TMEM132E: variants seen among roughly 807,000 people sequenced by gnomAD.
TMEM132E encodes transmembrane protein 132E.
In TMEM132E, 49 loss-of-function variants were observed where a neutral mutation model predicts 78.5. The observed-to-expected ratio is 0.62, with a 90% CI of 0.50 to 0.79. The LOEUF (loss-of-function observed/expected upper bound fraction) is 0.79. Ranked by LOEUF, TMEM132E falls within the 30% of genes least tolerant of loss-of-function variation. The probability of loss-of-function intolerance (pLI) is 0.00; values close to 1 mark genes in which losing one functional copy is unlikely to be tolerated. For synonymous variants in TMEM132E, 715 were observed against 670.6 expected (o/e 1.07, Z -1.02); for missense variants, 1,403 against 1,470.9 (o/e 0.95, Z 0.75).
rs568871948 is a variant in TMEM132E at position 34,637,539 on chromosome 17, G to A, written c.2532G>A (p.Pro844=). The change falls in exon 9 of 9, where the codon CCG becomes CCA. Residue 844 remains proline (P), a synonymous_variant. Transcript: ENST00000631683. Reference sequence around the variant, plus strand: ...AGGACGAGGCCCGGGGAGCTGGCCCGCCGGGCTCTGCGCTACCCGCACCGG... The same window carrying A: ...AGGACGAGGCCCGGGGAGCTGGCCCACCGGGCTCTGCGCTACCCGCACCGG... ...GGEDEARGAG[P]PGSALPAPEA... is the part of the protein sequence containing the mutation. The A allele has an allele frequency of 1.7e-4, 272 of 1,596,836 alleles. 4 individuals are homozygous for A. The South Asian group carries it at 2.9e-3, about 17-fold the overall frequency.
Position 34,629,254 on chromosome 17 carries a change from T to C in TMEM132E, c.1338+50T>C, listed in dbSNP as rs201661237. 251 of 1,576,626 alleles carry C rather than the reference T, an allele frequency of 1.6e-4. No homozygotes were observed. In the African/African-American group the frequency reaches 3.2e-3, roughly 20 times the overall value. ...GAAGATGCCTGGGTCTATGCATGTGTGCACATTTGTGTGACAAGAATGTGA... is the reference window on the plus strand; with the variant it reads ...GAAGATGCCTGGGTCTATGCATGTGCGCACATTTGTGTGACAAGAATGTGA... On this transcript the variant is annotated intron_variant, in intron 4 of 8. Transcript: ENST00000631683.
At chr17:34,597,657 G>A (rs191957778) in intron 1 of TMEM132E, among the ~76,000 whole-genome samples, 1 of 152,230 alleles carries the variant, frequency 6.6e-6, no homozygotes, top group East Asian at 1.9e-4. Flanking sequence ...CTCAGCTCCT[G>A]GCCACCATCA....
In TMEM132E at chr17:34,638,317, A is replaced by C; in HGVS notation, c.*85A>C. 7.4e-7 allele frequency: 1 copy of C among 1,343,226 alleles called. No homozygotes were observed. The highest frequency in any genetic ancestry group is 2.6e-5 in the East Asian group (1 of 38,478). 83.2% of individuals were successfully genotyped at this position (1,343,226 alleles called of 1,614,324 possible). On this transcript the variant is annotated 3_prime_UTR_variant, in exon 9 of 9. Transcript: ENST00000631683. ...ACAGCCGGGACCCCGGTTCACACTG[A>C]CTCTGGGCGGCTGAATTGATTTTGT... is the stretch of plus-strand genomic sequence containing the variant.
Position 34,613,211 on chromosome 17 carries a change from A to ACACACACACACACGTGCG in TMEM132E, c.68-12915_68-12914insACACACACACACGTGCGC. 3.5e-5 allele frequency among the ~76,000 whole-genome samples: 4 copies of ACACACACACACACGTGCG among 115,856 alleles called. No individual in the cohort carries two copies. In the Admixed American group the frequency reaches 4.0e-4, roughly 11 times the overall value. 76.0% of individuals were successfully genotyped at this position (115,856 alleles called of 152,430 possible). On this transcript the variant is annotated intron_variant, in intron 1 of 8. Coordinates refer to ENST00000631683, the MANE Select transcript of TMEM132E (RefSeq NM_001304438.2). ...CACACACACACCCACACACACACAC[A>ACACACACACACACGTGCG]CGCGCGCGCGCGCGCGTTCTTACAT...
intron 1 of TMEM132E, 62 bp downstream of exon 1, chr17:34,581,205 G>T (rs569051664): frequency 3.6e-6 from 5 of 1,405,560 alleles, no homozygotes; most frequent in Non-Finnish European, 4.7e-6. Context: ...GGGGGTACGG[G>T]GAAGACTGGG....
At position 34,637,338 on chromosome 17, in the gene TMEM132E, G is replaced by A. The variant is rs775516813; in HGVS notation, c.2331G>A (p.Glu777=). ...RAFPLVVAEA[E]GSGELLRAEL... is the part of the protein sequence containing the mutation. ...TCCCTCTGGTAGTGGCTGAGGCCGA[G>A]GGGTCAGGGGAGCTGCTTCGCGCAG... The change falls in exon 9 of 9, where the codon GAG becomes GAA. Residue 777 remains glutamate (E), a synonymous_variant. Transcript: ENST00000631683. The A allele has an allele frequency of 5.0e-6, 8 of 1,614,068 alleles. No homozygotes were observed. In the South Asian group the frequency reaches 7.7e-5, roughly 16 times the overall value.
intron 1 of TMEM132E, among the ~76,000 whole-genome samples, chr17:34,604,853 G>A (rs557876356): frequency 2.0e-5 from 3 of 152,298 alleles, no homozygotes; most frequent in African/African-American, 4.8e-5. Context: ...TCCTCCTCAC[G>A]ACAGCCCCAT....
intron 1 of TMEM132E, among the ~76,000 whole-genome samples, chr17:34,593,250 A>AAC (rs1555561865): frequency 6.6e-6 from 1 of 151,862 alleles, no homozygotes; most frequent in Non-Finnish European, 1.5e-5. Context: ...CTACATTAAA[A>AAC]AAAAATTATA....
Position 34,637,270 on chromosome 17 carries a change from A to C in TMEM132E, c.2263A>C (p.Ser755Arg). ...SPRDYGLLVS[S>R]LDEHVATVTQ... The stretch of plus-strand genomic sequence containing the variant: ...ACGAGACTATGGACTGCTAGTGAGC[A>C]GCCTGGATGAGCATGTGGCCACTGT... Residue 755 changes from serine to arginine, a missense_variant, in exon 9 of 9, where the codon AGC (serine) becomes CGC (arginine). Ser to Arg is a moderately radical substitution (Grantham distance 110, BLOSUM62 -1). Coordinates refer to ENST00000631683, the MANE Select transcript of TMEM132E (RefSeq NM_001304438.2). The C allele has an allele frequency of 6.2e-7, 1 of 1,614,102 alleles. No homozygotes were observed. The highest frequency in any genetic ancestry group is 8.5e-7 in the Non-Finnish European group (1 of 1,180,036).
intron 1 of TMEM132E, among the ~76,000 whole-genome samples, chr17:34,610,268 T>A (rs1906544634): frequency 6.6e-6 from 1 of 152,228 alleles, no homozygotes; most frequent in African/African-American, 2.4e-5. Context: ...TCTGTCTCCC[T>A]GGCAGTTCCC....
In TMEM132E at chr17:34,626,522, G is replaced by A. The variant is rs746770614; in HGVS notation, c.463G>A (p.Asp155Asn). The A allele has an allele frequency of 7.5e-6, 12 of 1,605,122 alleles. No individual in the cohort carries two copies. Among genetic ancestry groups the A allele is most frequent in the Admixed American group, 1.7e-5 (1 of 59,836 alleles). ...CTACGTAGCCGGCCGGGACTGGGACGACTTCGGCGTCACCGAGCGGCTGCC... is the reference window on the plus strand; with the variant it reads ...CTACGTAGCCGGCCGGGACTGGGACAACTTCGGCGTCACCGAGCGGCTGCC... ...LFYVAGRDWD[D>N]FGVTERLPCV... The change falls in exon 2 of 9, where the codon GAC (aspartate) becomes AAC (asparagine). Residue 155 changes from aspartate (D) to asparagine (N), a missense_variant. By Grantham distance (23) the Asp-to-Asn change is conservative (BLOSUM62 1). Coordinates refer to ENST00000631683, the MANE Select transcript of TMEM132E (RefSeq NM_001304438.2).
Position 34,637,271 on chromosome 17 carries a change from G to A in TMEM132E, c.2264G>A (p.Ser755Asn). ...SPRDYGLLVS[S>N]LDEHVATVTQ... is the part of the protein sequence containing the mutation. ...CGAGACTATGGACTGCTAGTGAGCA[G>A]CCTGGATGAGCATGTGGCCACTGTG... The change falls in exon 9 of 9, where the codon AGC becomes AAC. Residue 755 changes from serine (S) to asparagine (N), a missense_variant. Coordinates refer to ENST00000631683, the MANE Select transcript of TMEM132E (RefSeq NM_001304438.2). 3 of 1,614,134 alleles carry A rather than the reference G, an allele frequency of 1.9e-6. No homozygotes were observed. Among genetic ancestry groups the A allele is most frequent in the Non-Finnish European group, 2.5e-6 (3 of 1,180,052 alleles).
chr17:34,634,806 C>A lies in TMEM132E; in HGVS notation c.1696C>A (p.Arg566=). The change falls in exon 7 of 9, where the codon CGG becomes AGG. Residue 566 remains arginine (R), a synonymous_variant. Coordinates refer to ENST00000631683, the MANE Select transcript of TMEM132E (RefSeq NM_001304438.2). ...GGCATGTCCCCACCCCAGGTCAGTC[C>A]GGGAAAGCGAGGATGAGGATGAGGA... ...VPILPDRRSV[R]ESEDEDEEEE... is the part of the protein sequence containing the mutation. 1 of 1,612,106 alleles carries A rather than the reference C, an allele frequency of 6.2e-7. No individual in the cohort carries two copies. Among genetic ancestry groups the A allele is most frequent in the Non-Finnish European group, 8.5e-7 (1 of 1,179,030 alleles).
intron 1 of TMEM132E, among the ~76,000 whole-genome samples, chr17:34,588,307 G>A (rs570642652): frequency 7.2e-5 from 11 of 152,162 alleles, no homozygotes; most frequent in African/African-American, 1.2e-4. Context: ...CAGATTTGCC[G>A]TGGTTTTAAT....
chr17:34,628,542 C>G, intron 2 of TMEM132E, 21 bp from the exon 3 acceptor site: 1 of 1,613,332 alleles, frequency 6.2e-7, no homozygotes, highest in East Asian at 2.2e-5. Flanking sequence ...TCTCCCTCTT[C>G]TTCCTCCCAC....
chr17:34,604,278 T>TG (rs1357467693), intron 1 of TMEM132E, among the ~76,000 whole-genome samples: 1 of 152,164 alleles, frequency 6.6e-6, no homozygotes, highest in Non-Finnish European at 1.5e-5. Context: ...TGCTACTGCC[T>TG]GTTGGGGACT....
intron 1 of TMEM132E, among the ~76,000 whole-genome samples, chr17:34,586,846 ATC>A (rs1164410075): frequency 6.6e-6 from 1 of 152,090 alleles, no homozygotes; most frequent in Non-Finnish European, 1.5e-5. Context: ...ATTGAAGAAA[ATC>A]TCTTTTTGCC....
Position 34,580,785 on chromosome 17 carries a change from C to A in TMEM132E, c.-292C>A. The A allele has an allele frequency of 5.5e-6, 2 of 365,948 alleles. No homozygotes were observed. Among genetic ancestry groups the A allele is most frequent in the Non-Finnish European group, 9.9e-6 (2 of 202,940 alleles). 22.7% of individuals were successfully genotyped at this position (365,948 alleles called of 1,614,324 possible). On this transcript the variant is annotated 5_prime_UTR_variant, in exon 1 of 9. Coordinates refer to ENST00000631683, the MANE Select transcript of TMEM132E (RefSeq NM_001304438.2). Reference sequence around the variant, plus strand: ...CCCGCGGCCACCGGGCTCCGGACTGCACGTGCAGCTCCCCCCGCGCCTCGC... The same window carrying A: ...CCCGCGGCCACCGGGCTCCGGACTGAACGTGCAGCTCCCCCCGCGCCTCGC...
chr17:34,603,550 C>A (rs1906310768), intron 1 of TMEM132E, among the ~76,000 whole-genome samples: 1 of 152,190 alleles, frequency 6.6e-6, no homozygotes, highest in Non-Finnish European at 1.5e-5. Context: ...ATGCCTGCTC[C>A]TGCACAGGGA....
Sources: allele counts gnomAD v4.1 joint callset (sites outside exome capture counted in the v4.1 genomes callset), GRCh38; gene constraint gnomAD v4.1.1; transcripts MANE v1.5; gene names NCBI Gene and HGNC (gene_info 2026-07-23, HGNC 2026-07-21).